Variants in EAPP observed in about 807,000 individuals in gnomAD.
The protein encoded by EAPP is E2F associated phosphoprotein.
EAPP carries 38 observed loss-of-function variants against 34.3 expected under a neutral mutation model. The observed-to-expected ratio is 1.11, with a 90% CI of 0.85 to 1.45. EAPP has a LOEUF of 1.45. EAPP is among the 40% of genes most tolerant of loss of function. The pLI is 0.00. For missense variants in EAPP, 338 were observed against 343.7 expected (o/e 0.98, Z 0.13); for synonymous variants, 113 against 117.6 (o/e 0.96, Z 0.25).
At chr14:34,528,635 G>C (rs1020886412) in intron 4 of EAPP, among the ~76,000 whole-genome samples, 1 of 150,320 alleles carries the variant, frequency 6.7e-6, no homozygotes, top group Non-Finnish European at 1.5e-5. Context: ...CGCCAGGCTG[G>C]TCTCAAACTC....
At chr14:34,529,276 T>C (rs575009138) in intron 4 of EAPP, 82 bp downstream of exon 4, 27 of 1,035,366 alleles carry the variant, frequency 2.6e-5, no homozygotes, top group Admixed American at 2.5e-4. Flanking sequence ...CATATACACA[T>C]ATATTCAAAA....
At chr14:34,530,904 CAAAAAAA>C (rs780101001) in intron 3 of EAPP, among the ~76,000 whole-genome samples, 3 of 55,190 alleles carry the variant, frequency 5.4e-5, no homozygotes, top group Admixed American at 2.7e-4. Flanking sequence ...CAATCTTTAC[CAAAAAAA>C]AAAAAAAAAA....
At chr14:34,528,408 C>G (rs1019495845) in intron 4 of EAPP, among the ~76,000 whole-genome samples, 4 of 122,440 alleles carry the variant, frequency 3.3e-5, no homozygotes, top group Non-Finnish European at 6.9e-5. Context: ...TCTTCATCCA[C>G]AAAACCCTTT....
At chr14:34,531,268 G>A (rs1487372474) in intron 3 of EAPP, among the ~76,000 whole-genome samples, 1 of 151,828 alleles carries the variant, frequency 6.6e-6, no homozygotes, top group East Asian at 1.9e-4. Flanking sequence ...CTGTGTCACC[G>A]CACTCCAGCC....
At chr14:34,526,761 A>C (rs1880109965) in intron 4 of EAPP, among the ~76,000 whole-genome samples, 1 of 151,562 alleles carries the variant, frequency 6.6e-6, no homozygotes, top group Admixed American at 6.6e-5. Context: ...ACAAGCATGG[A>C]CTCAGGAGGC....
chr14:34,529,763 C>T (rs1880219448), intron 3 of EAPP, among the ~76,000 whole-genome samples: 2 of 152,096 alleles, frequency 1.3e-5, no homozygotes, highest in Admixed American at 6.6e-5. Flanking sequence ...CGCCTGTAAT[C>T]CCAGCACTTT....
At chr14:34,518,920 A>G (rs1723927354) in intron 5 of EAPP, among the ~76,000 whole-genome samples, 1 of 152,146 alleles carries the variant, frequency 6.6e-6, no homozygotes, top group South Asian at 2.1e-4. Context: ...TGATCCATTC[A>G]GCCACTGTCT....
At chr14:34,525,877 G>A (rs1368066658) in intron 4 of EAPP, among the ~76,000 whole-genome samples, 2 of 151,668 alleles carry the variant, frequency 1.3e-5, no homozygotes, top group East Asian at 2.0e-4. Flanking sequence ...AAAATTAGCT[G>A]GGCGTGGTGG....
At chr14:34,519,885 CT>C (rs763536134) in intron 5 of EAPP, among the ~76,000 whole-genome samples, 233 of 133,584 alleles carry the variant, frequency 1.7e-3, no homozygotes, top group Non-Finnish European at 2.6e-3. Context: ...TCTTTCTTTT[CT>C]TTTTTTTTTT....
At chr14:34,539,439 C>T in intron 1 of EAPP, 116 bp downstream of exon 1, 1 of 1,169,748 alleles carries the variant, frequency 8.5e-7, no homozygotes, top group Non-Finnish European at 1.2e-6. Flanking sequence ...GTAACAGGCA[C>T]GACAGGCTCC....
rs11432394 is a variant in EAPP at position 34,516,940 on chromosome 14, C to CTT, written c.582-356_582-355dup. Among the ~76,000 whole-genome samples the CTT allele has an allele frequency of 3.4e-3, 475 of 139,774 alleles. 2 individuals carry two copies. Among genetic ancestry groups the CTT allele is most frequent in the Non-Finnish European group, 4.3e-3 (279 of 65,622 alleles). 91.7% of individuals were successfully genotyped at this position (139,774 alleles called of 152,430 possible). On this transcript the variant is annotated intron_variant, in intron 5 of 5. Coordinates refer to ENST00000250454, the MANE Select transcript of EAPP (RefSeq NM_018453.4). Reference sequence around the variant, plus strand: ...CTTTCCTTCTGCTTTTTGAAAGTAACTTTTTTTTTTTTTTTGAGATGGAGT... The same window carrying CTT: ...CTTTCCTTCTGCTTTTTGAAAGTAACTTTTTTTTTTTTTTTTTGAGATGGAGT...
At chr14:34,535,982 A>G (rs975011172) in intron 2 of EAPP, 112 bp downstream of exon 2, 22 of 701,742 alleles carry the variant, frequency 3.1e-5, no homozygotes, top group Non-Finnish European at 4.9e-5. Flanking sequence ...TTCATTCAAT[A>G]AATATTTATT....
chr14:34,529,401 T>C lies in EAPP; in HGVS notation c.427A>G (p.Lys143Glu). ...TNDELLYDPE[K>E]DNRDQAWVDA... ...ACCCAGGCCTGATCTCTGTTATCTTTTTCAGGATCATACAGTAATTCGTCA... is the reference window on the plus strand; with the variant it reads ...ACCCAGGCCTGATCTCTGTTATCTTCTTCAGGATCATACAGTAATTCGTCA... Residue 143 changes from lysine to glutamate, a missense_variant, in exon 4 of 6, where the codon AAA (lysine) becomes GAA (glutamate). Transcript: ENST00000250454. The C allele has an allele frequency of 6.2e-7, 1 of 1,613,656 alleles. No individual in the cohort carries two copies. The highest frequency in any genetic ancestry group is 8.5e-7 in the Non-Finnish European group (1 of 1,179,886).
Position 34,519,901 on chromosome 14 carries a change from T to TG in EAPP, c.582-3316dup, listed in dbSNP as rs1555319404. ...CTTTCTTTTCTTTTTTTTTTTTTTTTGAAACAGAGTTTCGCCCTTGTTGCC... is the reference window on the plus strand; with the variant it reads ...CTTTCTTTTCTTTTTTTTTTTTTTTTGGAAACAGAGTTTCGCCCTTGTTGCC... On this transcript the variant is annotated intron_variant, in intron 5 of 5. Transcript: ENST00000250454. Among the ~76,000 whole-genome samples, 618 of 150,866 alleles carry TG rather than the reference T, an allele frequency of 4.1e-3. 3 individuals carry two copies. The highest frequency in any genetic ancestry group is 0.014 in the African/African-American group (591 of 41,174).
intron 1 of EAPP, among the ~76,000 whole-genome samples, chr14:34,536,860 T>C (rs1195222968): frequency 1.3e-5 from 2 of 151,886 alleles, no homozygotes; most frequent in Non-Finnish European, 2.9e-5. Context: ...ATTACAGGAT[T>C]CAGAATCCGT....
intron 5 of EAPP, among the ~76,000 whole-genome samples, chr14:34,522,353 C>T (rs1199661534): frequency 6.6e-6 from 1 of 152,040 alleles, no homozygotes; most frequent in Non-Finnish European, 1.5e-5. Context: ...CTTAAAACTG[C>T]TATTTTGAAT....
Position 34,516,147 on chromosome 14 carries a change from GT to G in EAPP, c.*162del, listed in dbSNP as rs1395927510. 1 of 602,516 alleles carries G rather than the reference GT, an allele frequency of 1.7e-6. No individual in the cohort carries two copies. The highest frequency in any genetic ancestry group is 1.9e-5 in the African/African-American group (1 of 53,504). The allele number at this position is 602,516 out of a possible 1,614,324, so 37.3% of individuals were successfully genotyped here. On this transcript the variant is annotated 3_prime_UTR_variant, in exon 6 of 6. Transcript: ENST00000250454. Reference sequence around the variant, plus strand: ...AATCAAAGAAAAAAAAAAGGAGAGGGTGAGAGATGTAAGAGATGAATGAAGG... The same window carrying G: ...AATCAAAGAAAAAAAAAAGGAGAGGGGAGAGATGTAAGAGATGAATGAAGG...
chr14:34,532,590 T>G (rs1235630269), intron 3 of EAPP, among the ~76,000 whole-genome samples: 1 of 151,678 alleles, frequency 6.6e-6, no homozygotes, highest in Admixed American at 6.6e-5. Context: ...AGGTATTGAG[T>G]TGGGACACAC....
intron 4 of EAPP, 87 bp downstream of exon 4, chr14:34,529,271 A>T: frequency 1.0e-6 from 1 of 972,548 alleles, no homozygotes; most frequent in Non-Finnish European, 1.6e-6. Flanking sequence ...GTAAACATAT[A>T]CACATATATT....
Sources: gnomAD v4.1 joint callset for allele counts (sites outside exome capture counted in the v4.1 genomes callset) on GRCh38, gnomAD v4.1.1 for gene constraint, MANE v1.5 for transcripts, NCBI Gene and HGNC (gene_info 2026-07-23, HGNC 2026-07-21) for gene names.